The following MBNL3 variants were observed in gnomAD, a reference collection of about 807,000 sequenced individuals.
The protein encoded by MBNL3 is muscleblind-like protein 3.
A neutral mutation model predicts 24.5 loss-of-function variants in MBNL3; 6 were observed. The observed-to-expected ratio is 0.25, with a 90% CI of 0.13 to 0.48. The LOEUF is 0.48. Ranked by LOEUF, MBNL3 falls within the 20% of genes least tolerant of loss-of-function variation. MBNL3 has a pLI of 0.99. For missense variants in MBNL3, 230 were observed against 293.5 expected (o/e 0.78, Z 1.58); for synonymous variants, 100 against 101.7 (o/e 0.98, Z 0.10).
chrX:132,420,213 G>A (rs917607082), intron 2 of MBNL3, among the ~76,000 whole-genome samples: 2 of 112,110 alleles, frequency 1.8e-5, no homozygotes, highest in Non-Finnish European at 3.8e-5. Flanking sequence ...GGACGAATCC[G>A]GGCACTAGCC....
chrX:132,473,954 T>G (rs187240516), intron 1 of MBNL3, among the ~76,000 whole-genome samples: 2 of 111,640 alleles, frequency 1.8e-5, no homozygotes, highest in East Asian at 5.6e-4. Context: ...TTGACTAGAA[T>G]CAACCTAGAC....
At chrX:132,420,274 C>A (rs1052667076) in intron 2 of MBNL3, among the ~76,000 whole-genome samples, 2 of 112,081 alleles carry the variant, frequency 1.8e-5, no homozygotes, top group African/African-American at 6.5e-5. Context: ...GCAATGGGTG[C>A]CTCGCTGGAT....
At chrX:132,409,571 G>C (rs1186218600) in intron 2 of MBNL3, among the ~76,000 whole-genome samples, 2 of 111,393 alleles carry the variant, frequency 1.8e-5, no homozygotes, top group Non-Finnish European at 3.8e-5. Flanking sequence ...AGTCAATGGT[G>C]TCCCAAGCCC....
At position 132,384,712 on chromosome X, in the gene MBNL3, A is replaced by G. The variant is rs761962748; in HGVS notation, c.923-14T>C. 6.4e-5 allele frequency: 73 copies of G among 1,144,576 alleles called. 1 individual carries two copies. The highest frequency in any genetic ancestry group is 5.9e-4 in the Admixed American group (23 of 39,003). 94.3% of individuals were successfully genotyped at this position (1,144,576 alleles called of 1,213,427 possible). A position where few individuals can be genotyped will look rare whatever the true frequency, so the allele number is the denominator to read the frequency against. ...ACAGTATTGGCCCTGTACACCACGC[A>G]GAAAAGCGTGGAAAGTAAAAGAGAT... is the stretch of plus-strand genomic sequence containing the variant. On this transcript the variant is annotated splice_polypyrimidine_tract_variant and intron_variant, in intron 6 of 8. Transcript: ENST00000370853.
At chrX:132,396,919 T>TAC (rs1939720328) in intron 3 of MBNL3, among the ~76,000 whole-genome samples, 1 of 73,770 alleles carries the variant, frequency 1.4e-5, no homozygotes, top group African/African-American at 5.5e-5. Flanking sequence ...TATATACATA[T>TAC]ATATTCATAT....
At chrX:132,457,007 A>T (rs1285455790) in intron 1 of MBNL3, among the ~76,000 whole-genome samples, 1 of 111,469 alleles carries the variant, frequency 9.0e-6, no homozygotes, top group Non-Finnish European at 1.9e-5. Flanking sequence ...TAAAAATAAA[A>T]TTTTTCTACC....
chrX:132,484,817 C>T, intron 1 of MBNL3, among the ~76,000 whole-genome samples: 1 of 111,011 alleles, frequency 9.0e-6, no homozygotes, highest in Non-Finnish European at 1.9e-5. Context: ...CAACTTAATA[C>T]TGATGCAAGT....
At chrX:132,390,260 A>G (rs996510603) in intron 5 of MBNL3, among the ~76,000 whole-genome samples, 2 of 54,044 alleles carry the variant, frequency 3.7e-5, no homozygotes, top group African/African-American at 8.3e-5. Context: ...AAACAACAAC[A>G]ACAACAAAAA....
In MBNL3 at chrX:132,391,025, G is replaced by A. The variant is rs1439153533; in HGVS notation, c.593C>T (p.Ala198Val). Residue 198 changes from alanine to valine, a missense_variant, in exon 5 of 9, where the codon GCT becomes GTT. By Grantham distance (64) the Ala-to-Val change is moderately conservative (BLOSUM62 0). Transcript: ENST00000370853. ...CTRGENDCRYAHPTDASMIEA... is the reference protein window; with the variant it reads ...CTRGENDCRYVHPTDASMIEA... ...AATCATGGAAGCATCAGTAGGGTGAGCATAGCGGCAATCATTCTCCCCACG... is the reference window on the plus strand; with the variant it reads ...AATCATGGAAGCATCAGTAGGGTGAACATAGCGGCAATCATTCTCCCCACG... The A allele has an allele frequency of 8.3e-7, 1 of 1,211,525 alleles. No individual in the cohort carries two copies. The highest frequency in any genetic ancestry group is 1.1e-6 in the Non-Finnish European group (1 of 895,362).
chrX:132,443,009 T>C (rs146574053), intron 1 of MBNL3, among the ~76,000 whole-genome samples: 1,830 of 111,933 alleles, frequency 0.016, 30 homozygotes, highest in African/African-American at 0.056. Context: ...TCAGTTTTGT[T>C]TTGGGGATAA....
At chrX:132,465,206 A>AT (rs755736956) in intron 1 of MBNL3, among the ~76,000 whole-genome samples, 36 of 112,252 alleles carry the variant, frequency 3.2e-4, no homozygotes, top group African/African-American at 1.1e-3. Context: ...GTGTGTGTGC[A>AT]TATTTGAACA....
At chrX:132,477,827 T>C (rs754491766) in intron 1 of MBNL3, among the ~76,000 whole-genome samples, 10 of 112,051 alleles carry the variant, frequency 8.9e-5, no homozygotes, top group Admixed American at 5.7e-4. Context: ...TTCTTCTTTA[T>C]TTCTGTAATC....
chrX:132,424,241 G>A (rs1944085021), intron 2 of MBNL3, among the ~76,000 whole-genome samples: 1 of 112,085 alleles, frequency 8.9e-6, no homozygotes, highest in African/African-American at 3.2e-5. Flanking sequence ...AGTAAAAACT[G>A]TGCTAGATAC....
In MBNL3 at chrX:132,382,245, G is replaced by A; in HGVS notation, c.986C>T (p.Thr329Ile). 1 of 1,210,729 alleles carries A rather than the reference G, an allele frequency of 8.3e-7. No homozygotes were observed. The highest frequency in any genetic ancestry group is 1.1e-6 in the Non-Finnish European group (1 of 894,763). The change falls in exon 8 of 9, where the codon ACC becomes ATC. Residue 329 changes from threonine (T) to isoleucine (I), a missense_variant. Physicochemically the swap from Thr to Ile is moderately conservative, Grantham distance 89. Transcript: ENST00000370853. ...AGGTGTTGTTGCTGCAGACACAGTGGTAGGTGTAGCACCGTGCATCATGGG... is the reference window on the plus strand; with the variant it reads ...AGGTGTTGTTGCTGCAGACACAGTGATAGGTGTAGCACCGTGCATCATGGG... ...IVPMMHGATP[T>I]TVSAATTPAT...
intron 3 of MBNL3, among the ~76,000 whole-genome samples, chrX:132,404,438 A>G (rs892233529): frequency 1.8e-5 from 2 of 112,160 alleles, no homozygotes; most frequent in Non-Finnish European, 3.8e-5. Flanking sequence ...GTGAAAGCCC[A>G]GAAAAAGCGT....
At chrX:132,444,732 A>T (rs1945603348) in intron 1 of MBNL3, among the ~76,000 whole-genome samples, 1 of 111,989 alleles carries the variant, frequency 8.9e-6, no homozygotes, top group African/African-American at 3.2e-5. Context: ...AGGAAAATGT[A>T]GAAACTTATA....
At chrX:132,406,905 A>G (rs1272063777) in intron 2 of MBNL3, among the ~76,000 whole-genome samples, 1 of 112,043 alleles carries the variant, frequency 8.9e-6, no homozygotes, top group Non-Finnish European at 1.9e-5. Context: ...TTGGATTACT[A>G]GGTCCACCAT....
chrX:132,406,039 G>T (rs1941775035), intron 3 of MBNL3, among the ~76,000 whole-genome samples, 189 bp downstream of exon 3: 2 of 111,016 alleles, frequency 1.8e-5, no homozygotes, highest in Non-Finnish European at 3.8e-5. Flanking sequence ...CTTTTATAAA[G>T]TGAACTCATG....
At chrX:132,465,048 GTAAA>G (rs1946819050) in intron 1 of MBNL3, among the ~76,000 whole-genome samples, 1 of 111,209 alleles carries the variant, frequency 9.0e-6, no homozygotes, top group Non-Finnish European at 1.9e-5. Context: ...CCATCTCAAA[GTAAA>G]TAAATAAATA....
Sources: gnomAD v4.1 joint callset for allele counts (sites outside exome capture counted in the v4.1 genomes callset) on GRCh38, gnomAD v4.1.1 for gene constraint, MANE v1.5 for transcripts, NCBI Gene and HGNC (gene_info 2026-07-23, HGNC 2026-07-21) for gene names.